Variants in SP2 observed in about 807,000 individuals in gnomAD.
SP2 encodes Sp2 transcription factor.
A neutral mutation model predicts 50.1 loss-of-function variants in SP2; 9 were observed. That is an observed-to-expected ratio of 0.18 (90% CI 0.11 to 0.31). The LOEUF is 0.31. Ranked by LOEUF, SP2 falls within the 10% of genes least tolerant of loss-of-function variation. The pLI is 1.00. For synonymous variants in SP2, 313 were observed against 326.6 expected (o/e 0.96, Z 0.45); for missense variants, 581 against 806.5 (o/e 0.72, Z 3.39).
At chr17:47,919,349 G>A (rs1347091116) in intron 3 of SP2, among the ~76,000 whole-genome samples, 4 of 152,130 alleles carry the variant, frequency 2.6e-5, no homozygotes, top group Non-Finnish European at 5.9e-5. Flanking sequence ...GTTCGAGATT[G>A]CAGTGAACTA....
At chr17:47,918,391 C>T (rs2035298985) in intron 3 of SP2, 1 of 152,102 alleles carries the variant, frequency 6.6e-6, no homozygotes, top group Non-Finnish European at 1.5e-5. Flanking sequence ...TTTATGTTGC[C>T]AGGTGATTTT....
chr17:47,918,646 C>T (rs1390403596), intron 3 of SP2: 2 of 152,208 alleles, frequency 1.3e-5, no homozygotes, highest in African/African-American at 4.8e-5. Context: ...AGCTTTATAA[C>T]ATCCCAACAT....
chr17:47,900,039 T>G (rs2034478117), intron 1 of SP2: 1 of 152,274 alleles, frequency 6.6e-6, no homozygotes, highest in Non-Finnish European at 1.5e-5. Flanking sequence ...CCTGCCACAT[T>G]GCAGTGCAGA....
At position 47,928,736 on chromosome 17, in the gene SP2, A is replaced by G. The variant is rs776509805; in HGVS notation, c.*912A>G. On this transcript the variant is annotated 3_prime_UTR_variant, in exon 7 of 7. Coordinates refer to ENST00000376741, the MANE Select transcript of SP2 (RefSeq NM_003110.6). ...TACAGTGTATATTGTATAATAGACA[A>G]TTGTGTCTACTACATGTTTAAAAAC... 3.3e-5 allele frequency: 5 copies of G among 152,648 alleles called. No homozygotes were observed. Among genetic ancestry groups the G allele is most frequent in the African/African-American group, 4.8e-5 (2 of 41,444 alleles). 9.5% of individuals were successfully genotyped at this position (152,648 alleles called of 1,614,324 possible). A position where few individuals can be genotyped will look rare whatever the true frequency, so the allele number is the denominator to read the frequency against.
chr17:47,905,482 G>A (rs550775111), intron 1 of SP2, among the ~76,000 whole-genome samples: 1 of 152,374 alleles, frequency 6.6e-6, no homozygotes, highest in South Asian at 2.1e-4. Flanking sequence ...CCTGGGTTGT[G>A]GAGATGGAGC....
At position 47,916,943 on chromosome 17, in the gene SP2, G is replaced by C; in HGVS notation, c.872G>C (p.Gly291Ala). The change falls in exon 3 of 7, where the codon GGT becomes GCT. Residue 291 changes from glycine to alanine, a missense_variant. By Grantham distance (60) the Gly-to-Ala change is moderately conservative. Around this residue, in one of 2 missense-constraint regions of SP2, gnomAD observed 397 missense variants for 491.0 expected, o/e 0.81. Coordinates refer to ENST00000376741, the MANE Select transcript of SP2 (RefSeq NM_003110.6). This position sits in a 1 kb window ranked among gnomAD's most constrained non-coding sequence, Gnocchi z 4.7. The part of the protein sequence containing the change: ...GNNLLIVQSP[G>A]GGQPAVVQQV... ...AACCTGCTCATTGTTCAGAGCCCTGGTGGGGGCCAGCCAGCTGTGGTCCAG... is the reference window on the plus strand; with the variant it reads ...AACCTGCTCATTGTTCAGAGCCCTGCTGGGGGCCAGCCAGCTGTGGTCCAG... The C allele has an allele frequency of 6.2e-7, 1 of 1,614,096 alleles. No individual in the cohort carries two copies. Among genetic ancestry groups the C allele is most frequent in the Non-Finnish European group, 8.5e-7 (1 of 1,180,016 alleles).
chr17:47,900,101 C>G (rs2034479993), intron 1 of SP2: 1 of 152,196 alleles, frequency 6.6e-6, no homozygotes, highest in African/African-American at 2.4e-5. Flanking sequence ...CCAGTTTGTC[C>G]CTTTGTGGTG....
At chr17:47,913,295 A>G (rs1160219600) in intron 1 of SP2, among the ~76,000 whole-genome samples, 1 of 151,734 alleles carries the variant, frequency 6.6e-6, no homozygotes, top group African/African-American at 2.4e-5. Context: ...CAGGTGTGAT[A>G]ATAGGGCACT....
Position 47,916,082 on chromosome 17 carries a change from A to T in SP2, c.85-74A>T, listed in dbSNP as rs2035189948. ...ACTGGCGTGGAATGCCGCCAGGAGG[A>T]GAGGATCATGGACAGAGGCGGCCGG... On this transcript the variant is annotated intron_variant, in intron 2 of 6. Transcript: ENST00000376741. The surrounding 1 kb of genome is among the most constrained non-coding windows in gnomAD (Gnocchi z 4.7). The T allele has an allele frequency of 6.6e-7, 1 of 1,518,512 alleles. No individual in the cohort carries two copies. The highest frequency in any genetic ancestry group is 1.4e-5 in the African/African-American group (1 of 72,372). 94.1% of individuals were successfully genotyped at this position (1,518,512 alleles called of 1,614,324 possible).
chr17:47,912,850 T>TTTTGTTTG (rs372676777), intron 1 of SP2, among the ~76,000 whole-genome samples: 3 of 151,742 alleles, frequency 2.0e-5, no homozygotes, highest in Admixed American at 6.6e-5. Flanking sequence ...ATATGTATCC[T>TTTTGTTTG]TTTGTTTGTT....
At chr17:47,897,729 TTAC>T (rs2034395951) in intron 1 of SP2, 1 of 352,984 alleles carries the variant, frequency 2.8e-6, no homozygotes, top group Non-Finnish European at 4.0e-6. Context: ...GTAATTTCAA[TTAC>T]TAACACAAAG....
At chr17:47,924,864 G>T in intron 4 of SP2, 55 bp from the exon 5 acceptor site, 2 of 1,487,184 alleles carry the variant, frequency 1.3e-6, no homozygotes, top group South Asian at 2.6e-5. Flanking sequence ...CAGAAGGGTT[G>T]ACTCGAGGTT....
chr17:47,908,172 A>G lies in SP2; in HGVS notation c.8-7140A>G, dbSNP rs200190010. On this transcript the variant is annotated intron_variant, in intron 1 of 6. Transcript: ENST00000376741. ...CTAGCAGTCTGCAGCTTGCTTCAGTAGATTCTGCTTTAACCTCCTAACTGA... is the reference window on the plus strand; with the variant it reads ...CTAGCAGTCTGCAGCTTGCTTCAGTGGATTCTGCTTTAACCTCCTAACTGA... 4.6e-5 allele frequency among the ~76,000 whole-genome samples: 7 copies of G among 152,230 alleles called. No homozygotes were observed. In the East Asian group the frequency reaches 1.2e-3, roughly 25 times the overall value.
At chr17:47,910,156 C>T (rs1289626579) in intron 1 of SP2, among the ~76,000 whole-genome samples, 2 of 152,208 alleles carry the variant, frequency 1.3e-5, no homozygotes, top group African/African-American at 4.8e-5. Context: ...GCAAGTTTTA[C>T]TTGTCGTCTA....
intron 1 of SP2, among the ~76,000 whole-genome samples, chr17:47,909,435 A>G (rs1357472773): frequency 6.6e-6 from 1 of 152,114 alleles, no homozygotes; most frequent in Non-Finnish European, 1.5e-5. Flanking sequence ...TTTTTAATAT[A>G]CAGACAAGGT....
At chr17:47,913,693 C>T (rs2035079112) in intron 1 of SP2, among the ~76,000 whole-genome samples, 1 of 152,176 alleles carries the variant, frequency 6.6e-6, no homozygotes, top group Non-Finnish European at 1.5e-5. Context: ...CATGCATGAG[C>T]TACTGTACCT....
intron 1 of SP2, chr17:47,909,864 T>C (rs1178266252): frequency 5.3e-6 from 1 of 187,462 alleles, no homozygotes; most frequent in Non-Finnish European, 1.0e-5. Context: ...TGTTTGTTTT[T>C]TGATACCGAG....
chr17:47,930,373 T>C (rs2035794493), downstream of SP2, among the ~76,000 whole-genome samples: 1 of 152,202 alleles, frequency 6.6e-6, no homozygotes, highest in African/African-American at 2.4e-5. Context: ...CCATGTGCTT[T>C]ATGCTTCCAG....
intron 1 of SP2, among the ~76,000 whole-genome samples, chr17:47,905,074 T>C (rs1276276832): frequency 6.6e-6 from 1 of 152,198 alleles, no homozygotes; most frequent in East Asian, 1.9e-4. Context: ...GCCCACCTTA[T>C]AATAGTTATT....
Sources: allele counts gnomAD v4.1 joint callset (sites outside exome capture counted in the v4.1 genomes callset), GRCh38; gene constraint gnomAD v4.1.1; regional missense constraint gnomAD v4.1.1; non-coding constraint Gnocchi (gnomAD v3.1); transcripts MANE v1.5; gene names NCBI Gene and HGNC (gene_info 2026-07-23, HGNC 2026-07-21).